Variants in GPHN observed in about 807,000 individuals in gnomAD.
GPHN encodes the protein gephyrin.
Under a neutral mutation model 95.5 loss-of-function variants are expected in GPHN, and 17 were observed. That is an observed-to-expected ratio of 0.18 (90% CI 0.12 to 0.27). The LOEUF is 0.27. Among genes scored for constraint, GPHN ranks in the 10% least tolerant of loss-of-function variants. The pLI is 1.00. For synonymous variants in GPHN, 320 were observed against 322.5 expected (o/e 0.99, Z 0.08); for missense variants, 660 against 978.1 (o/e 0.67, Z 4.34).
the GPHN span, among the ~76,000 whole-genome samples, chr14:67,529,454 ATATTTGT>A: frequency 1.3e-5 from 2 of 152,306 alleles, no homozygotes; most frequent in East Asian, 3.9e-4. Flanking sequence ...TATTCAATAG[ATATTTGT>A]TAGTGAGTAA....
intron 2 of GPHN, among the ~76,000 whole-genome samples, chr14:66,722,144 A>G (rs144716921): frequency 5.0e-4 from 76 of 152,194 alleles, no homozygotes; most frequent in African/African-American, 1.7e-3. Flanking sequence ...TAGAAGTTAC[A>G]TAGTTGTAAA....
intron 4 of GPHN, among the ~76,000 whole-genome samples, chr14:66,827,949 A>T (rs2061441561): frequency 6.6e-6 from 1 of 151,962 alleles, no homozygotes; most frequent in Non-Finnish European, 1.5e-5. Flanking sequence ...TTTTTCAGTT[A>T]TTTGAAAACT....
Position 67,181,065 on chromosome 14 carries a change from T to C in GPHN, c.*128T>C, listed in dbSNP as rs2140213526. On this transcript the variant is annotated 3_prime_UTR_variant, in exon 23 of 23. Coordinates refer to ENST00000478722, the MANE Select transcript of GPHN (RefSeq NM_020806.5). ...GATCTGTATAGTCAACATCTTGAAC[T>C]ATATTTCAAATGAATTTAAATATCT... is the stretch of plus-strand genomic sequence containing the variant. The C allele has an allele frequency of 2.5e-6, 2 of 789,968 alleles. No individual in the cohort carries two copies. Among genetic ancestry groups the C allele is most frequent in the East Asian group, 5.3e-5 (2 of 37,568 alleles). 48.9% of individuals were successfully genotyped at this position (789,968 alleles called of 1,614,324 possible). A position where few individuals can be genotyped will look rare whatever the true frequency, so the allele number is the denominator to read the frequency against.
intron 3 of GPHN, among the ~76,000 whole-genome samples, chr14:66,801,705 A>G (rs899721417): frequency 1.4e-5 from 2 of 144,002 alleles, no homozygotes; most frequent in Non-Finnish European, 3.0e-5. Context: ...CACCATCTCT[A>G]GGACTGCACT....
At chr14:66,861,784 C>T (rs2063033417) in intron 4 of GPHN, among the ~76,000 whole-genome samples, 1 of 151,948 alleles carries the variant, frequency 6.6e-6, no homozygotes, top group Admixed American at 6.6e-5. Context: ...TGAAAATTTT[C>T]TTGAAACAAA....
chr14:66,848,576 A>C lies in GPHN; in HGVS notation c.294+24010A>C, dbSNP rs564871287. Among the ~76,000 whole-genome samples the C allele has an allele frequency of 3.9e-5, 6 of 152,174 alleles. No homozygotes were observed. In the East Asian group the frequency reaches 1.2e-3, roughly 29 times the overall value. On this transcript the variant is annotated intron_variant, in intron 4 of 22. Coordinates refer to ENST00000478722, the MANE Select transcript of GPHN (RefSeq NM_020806.5). ...TTCTCGTTAGTGTTAAGATATTAGG[A>C]GCACACCATTTTGCATATGATATGT...
chr14:66,964,865 A>G (rs1291473929), intron 8 of GPHN, among the ~76,000 whole-genome samples: 1 of 152,234 alleles, frequency 6.6e-6, no homozygotes, highest in East Asian at 1.9e-4. Context: ...AATGGAAAAT[A>G]TATAGGAATT....
At position 67,165,378 on chromosome 14, in the gene GPHN, T is replaced by C. The variant is rs1344410233; in HGVS notation, c.1975+152T>C. ...CCAATCACTTAACCTCTCTAGGAAG[T>C]TTCTTCACCTATAAAATAAGACTAA... On this transcript the variant is annotated intron_variant, in intron 20 of 22. Transcript: ENST00000478722. 6.2e-6 allele frequency: 4 copies of C among 645,646 alleles called. No homozygotes were observed. In the Admixed American group the frequency reaches 8.1e-5, roughly 13 times the overall value. The allele number at this position is 645,646 out of a possible 1,614,324, so 40.0% of individuals were successfully genotyped here.
In GPHN at chr14:66,508,469, C is replaced by T; in HGVS notation, c.-59C>T. ...CCTCGGCGAGCGCGCTCCCGGCCCG[C>T]GCGCTCCGGGCTCCGGTTTCTCCCG... On this transcript the variant is annotated 5_prime_UTR_variant, in exon 1 of 23. Transcript: ENST00000478722. 1 of 1,531,760 alleles carries T rather than the reference C, an allele frequency of 6.5e-7. No individual in the cohort carries two copies. Among genetic ancestry groups the T allele is most frequent in the Non-Finnish European group, 9.0e-7 (1 of 1,105,234 alleles). The allele number at this position is 1,531,760 out of a possible 1,614,324, so 94.9% of individuals were successfully genotyped here. A position where few individuals can be genotyped will look rare whatever the true frequency, so the allele number is the denominator to read the frequency against.
the GPHN span, among the ~76,000 whole-genome samples, chr14:67,631,813 G>T: frequency 1.3e-5 from 2 of 151,846 alleles, no homozygotes; most frequent in African/African-American, 4.8e-5. Context: ...ATCCTGTCTT[G>T]GTTGGCAGTC....
At chr14:67,483,725 G>C in the GPHN span, among the ~76,000 whole-genome samples, 1 of 152,180 alleles carries the variant, frequency 6.6e-6, no homozygotes, top group Non-Finnish European at 1.5e-5. Flanking sequence ...GAGGCCCCCT[G>C]ACTGCCAGCC....
the GPHN span, among the ~76,000 whole-genome samples, chr14:67,416,442 C>T: frequency 2.6e-5 from 4 of 152,206 alleles, no homozygotes; most frequent in African/African-American, 4.8e-5. Flanking sequence ...TGTGGGGTCC[C>T]GGGCAGCCAG....
the GPHN span, among the ~76,000 whole-genome samples, chr14:67,263,468 C>T: frequency 1.6e-4 from 24 of 152,192 alleles, no homozygotes; most frequent in African/African-American, 5.8e-4. Flanking sequence ...AAGAGAATCT[C>T]TATGAACAAG....
chr14:67,716,112 G>A, the GPHN span, among the ~76,000 whole-genome samples: 2 of 151,962 alleles, frequency 1.3e-5, no homozygotes, highest in Non-Finnish European at 1.5e-5. Context: ...CAGGAGAATG[G>A]CGTGAACCTG....
chr14:67,646,219 A>C, the GPHN span, among the ~76,000 whole-genome samples: 1 of 152,192 alleles, frequency 6.6e-6, no homozygotes, highest in Non-Finnish European at 1.5e-5. Flanking sequence ...TGAGGGACCA[A>C]GTCAAACCAG....
chr14:66,928,441 C>G (rs1382163527), intron 8 of GPHN, among the ~76,000 whole-genome samples: 2 of 151,990 alleles, frequency 1.3e-5, no homozygotes, highest in Non-Finnish European at 2.9e-5. Flanking sequence ...AAAGATTTGG[C>G]AATTTTGTTT....
chr14:66,790,124 G>C (rs756258946), intron 3 of GPHN, among the ~76,000 whole-genome samples: 4 of 151,986 alleles, frequency 2.6e-5, no homozygotes, highest in Non-Finnish European at 5.9e-5. Flanking sequence ...TTTTAATTAA[G>C]CTTTTAACCA....
At chr14:67,076,265 A>G (rs182288545) in intron 11 of GPHN, among the ~76,000 whole-genome samples, 56 of 152,276 alleles carry the variant, frequency 3.7e-4, no homozygotes, top group Admixed American at 8.5e-4. Flanking sequence ...TTTTTAAATT[A>G]AGGTATGTAC....
chr14:67,412,434 C>T, the GPHN span, among the ~76,000 whole-genome samples: 1 of 152,134 alleles, frequency 6.6e-6, no homozygotes, highest in African/African-American at 2.4e-5. Flanking sequence ...GAACGCTTAT[C>T]GAATTGAACA....
Sources: gnomAD v4.1 joint callset for allele counts (sites outside exome capture counted in the v4.1 genomes callset) on GRCh38, gnomAD v4.1.1 for gene constraint, MANE v1.5 for transcripts, NCBI Gene and HGNC (gene_info 2026-07-23, HGNC 2026-07-21) for gene names.